Variants in SH3RF2 observed in about 807,000 individuals in gnomAD.
SH3RF2 encodes the protein SH3 domain containing ring finger 2.
In SH3RF2, 43 loss-of-function variants were observed where a neutral mutation model predicts 59.0. That is an observed-to-expected ratio of 0.73 (90% CI 0.57 to 0.94). The LOEUF (loss-of-function observed/expected upper bound fraction) is 0.94, where lower values mean the gene tolerates loss of function less well. SH3RF2 is among the 40% of genes least tolerant of loss of function. The pLI is 0.00. For missense variants in SH3RF2, 930 were observed against 940.1 expected (o/e 0.99, Z 0.14); for synonymous variants, 391 against 391.5 (o/e 1.00, Z 0.01).
At chr5:146,012,053 C>T (rs2149991973) in intron 4 of SH3RF2, among the ~76,000 whole-genome samples, 1 of 152,196 alleles carries the variant, frequency 6.6e-6, no homozygotes, top group South Asian at 2.1e-4. Flanking sequence ...GAGATACGTC[C>T]CATCAATACC....
downstream of SH3RF2, among the ~76,000 whole-genome samples, chr5:146,067,337 A>G (rs1309718284): frequency 6.6e-6 from 1 of 152,154 alleles, no homozygotes; most frequent in Non-Finnish European, 1.5e-5. Context: ...ATGAACATTC[A>G]TTCTTCAACA....
At chr5:146,010,040 C>A (rs890033613) in intron 4 of SH3RF2, among the ~76,000 whole-genome samples, 1 of 152,114 alleles carries the variant, frequency 6.6e-6, no homozygotes, top group Admixed American at 6.5e-5. Flanking sequence ...CCCCCCACCC[C>A]ACGACAGGCC....
chr5:145,959,812 T>C (rs1758561907), intron 2 of SH3RF2, among the ~76,000 whole-genome samples: 8 of 152,018 alleles, frequency 5.3e-5, no homozygotes. Context: ...CAGGTCTGCC[T>C]TTGTCCCCCT....
intron 2 of SH3RF2, among the ~76,000 whole-genome samples, chr5:145,992,194 A>G (rs1759963771): frequency 6.6e-6 from 1 of 152,136 alleles, no homozygotes; most frequent in African/African-American, 2.4e-5. Context: ...CAACATGGTG[A>G]AACCCCGTCT....
At chr5:145,980,094 C>T (rs897751155) in intron 2 of SH3RF2, among the ~76,000 whole-genome samples, 1 of 152,172 alleles carries the variant, frequency 6.6e-6, no homozygotes, top group Admixed American at 6.5e-5. Flanking sequence ...TAGGGATGAA[C>T]AGTTTGTGTT....
chr5:146,044,963 C>A lies in SH3RF2; in HGVS notation c.1060-2809C>A, dbSNP rs1392492417. ...AGGCCCAGAGAAGTAAAAAGACAGA[C>A]CCTAGTGTAATGAAAAGATGGCTTT... On this transcript the variant is annotated intron_variant, in intron 5 of 9. Coordinates refer to ENST00000359120, the MANE Select transcript of SH3RF2 (RefSeq NM_152550.4). Among the ~76,000 whole-genome samples the A allele has an allele frequency of 3.9e-5, 6 of 152,296 alleles. No individual in the cohort carries two copies. The South Asian group carries it at 6.2e-4, about 16-fold the overall frequency.
intron 4 of SH3RF2, among the ~76,000 whole-genome samples, chr5:146,011,479 C>T (rs1760894926): frequency 6.6e-6 from 1 of 152,206 alleles, no homozygotes; most frequent in African/African-American, 2.4e-5. Flanking sequence ...GCAGTATGGC[C>T]GTTTTCACAA....
chr5:146,031,634 A>G (rs746270096), intron 5 of SH3RF2, among the ~76,000 whole-genome samples: 2 of 152,230 alleles, frequency 1.3e-5, no homozygotes, highest in African/African-American at 2.4e-5. Flanking sequence ...AGGGGCAGCA[A>G]TGCCAAGCTC....
rs754132951 is a variant in SH3RF2, at chr5:146,056,128, C to T, written c.1470C>T (p.Ala490=). Residue 490 remains alanine (A), a synonymous_variant, in exon 8 of 10, where the codon GCC becomes GCT. Coordinates refer to ENST00000359120, the MANE Select transcript of SH3RF2 (RefSeq NM_152550.4). ...RPFKSVFVPT[A]IVNPVRSTAG... is the part of the protein sequence containing the mutation. ...TCAAATCCGTCTTTGTGCCCACTGC[C>T]ATAGTCAACCCCGTGAGAAGCACAG... 4 of 1,614,218 alleles carry T rather than the reference C, an allele frequency of 2.5e-6. No individual in the cohort carries two copies. The highest frequency in any genetic ancestry group is 3.4e-6 in the Non-Finnish European group (4 of 1,180,044).
At position 146,072,469 on chromosome 5, in the gene SH3RF2, G is replaced by C. The variant is rs563112938; in HGVS notation, c.*34-5991G>C. Among the ~76,000 whole-genome samples, 535 of 152,180 alleles carry C rather than the reference G, an allele frequency of 3.5e-3. 2 individuals are homozygous for C. The highest frequency in any genetic ancestry group is 0.013 in the African/African-American group (521 of 41,528). On this transcript the variant is annotated intron_variant, in intron 9 of 9. Transcript: ENST00000511217. ...AGGCGGATCACAAGGTCAGGAGTTT[G>C]AGACCAGCCTGGCCAATATGGTGAA...
intron 2 of SH3RF2, among the ~76,000 whole-genome samples, chr5:145,972,059 G>T (rs1231804372): frequency 1.3e-5 from 2 of 152,166 alleles, no homozygotes; most frequent in Non-Finnish European, 2.9e-5. Context: ...AAGTGGAAAA[G>T]CTGGGATGTG....
rs537301176 is a variant in SH3RF2 at position 146,042,007 on chromosome 5, T to C, written c.1060-5765T>C. 2.6e-5 allele frequency among the ~76,000 whole-genome samples: 4 copies of C among 152,302 alleles called. No individual in the cohort carries two copies. In the South Asian group the frequency reaches 8.3e-4, roughly 32 times the overall value. ...GTGAACACTGTAGGTTCAAGGCCCT[T>C]GTTAGTTTTGGGGAATACCAAGTGT... On this transcript the variant is annotated intron_variant, in intron 5 of 9. Coordinates refer to ENST00000359120, the MANE Select transcript of SH3RF2 (RefSeq NM_152550.4).
intron 4 of SH3RF2, among the ~76,000 whole-genome samples, chr5:146,004,710 A>G (rs987779011): frequency 3.3e-5 from 5 of 151,386 alleles, no homozygotes; most frequent in African/African-American, 1.2e-4. Context: ...TATGGAGAAT[A>G]AATAAATGGA....
chr5:146,035,064 C>A (rs1220030296), intron 5 of SH3RF2, among the ~76,000 whole-genome samples: 1 of 151,556 alleles, frequency 6.6e-6, no homozygotes, highest in Non-Finnish European at 1.5e-5. Flanking sequence ...TGAGATTGTG[C>A]CACTGTACTC....
chr5:146,018,629 A>C (rs1209554699), intron 5 of SH3RF2, among the ~76,000 whole-genome samples: 1 of 151,996 alleles, frequency 6.6e-6, no homozygotes, highest in Non-Finnish European at 1.5e-5. Flanking sequence ...TGTTATAATG[A>C]CTTCTTGTCC....
At chr5:145,938,413 T>A (rs1413057172) in intron 2 of SH3RF2, 107 bp downstream of exon 2, 1 of 1,321,882 alleles carries the variant, frequency 7.6e-7, no homozygotes, top group Non-Finnish European at 1.0e-6. Context: ...AGTGCTGCTG[T>A]TGATTTCCCA....
At chr5:146,071,914 T>C (rs1763247911) in intron 9 of SH3RF2, among the ~76,000 whole-genome samples, 1 of 152,226 alleles carries the variant, frequency 6.6e-6, no homozygotes, top group Admixed American at 6.5e-5. Flanking sequence ...CAATAAGTGG[T>C]AGCTATTACC....
rs1354226847 is a variant in SH3RF2, at chr5:146,063,061, G to T, written c.*360G>T. ...GTGTCCTAAAGGGGGCTGCAGCAGG[G>T]GTGTGACAACGGTGGGATTGTTGGC... On this transcript the variant is annotated 3_prime_UTR_variant, in exon 10 of 10. Transcript: ENST00000359120. 2.1e-5 allele frequency: 5 copies of T among 235,898 alleles called. No homozygotes were observed. In the East Asian group the frequency reaches 5.5e-4, roughly 26 times the overall value. The allele number at this position is 235,898 out of a possible 1,614,324, so 14.6% of individuals were successfully genotyped here.
intron 5 of SH3RF2, among the ~76,000 whole-genome samples, chr5:146,034,585 A>G (rs1477265345): frequency 6.6e-6 from 1 of 152,194 alleles, no homozygotes; most frequent in Non-Finnish European, 1.5e-5. Context: ...CTTTGTGGCC[A>G]CATTCTAATA....
Sources: allele counts gnomAD v4.1 joint callset (sites outside exome capture counted in the v4.1 genomes callset), GRCh38; gene constraint gnomAD v4.1.1; transcripts MANE v1.5; gene names NCBI Gene and HGNC (gene_info 2026-07-23, HGNC 2026-07-21).